ANKRD55: variants seen among roughly 807,000 people sequenced by gnomAD.
ANKRD55 encodes ankyrin repeat domain 55.
Under a neutral mutation model 60.6 loss-of-function variants are expected in ANKRD55, and 41 were observed. The observed-to-expected ratio is 0.68, with a 90% CI of 0.53 to 0.88. The LOEUF (loss-of-function observed/expected upper bound fraction) is 0.88. Among genes scored for constraint, ANKRD55 ranks in the 40% least tolerant of loss-of-function variants. The pLI is 0.00. For missense variants in ANKRD55, 732 were observed against 767.6 expected (o/e 0.95, Z 0.55); for synonymous variants, 264 against 290.3 (o/e 0.91, Z 0.92).
intron 7 of ANKRD55, among the ~76,000 whole-genome samples, chr5:56,135,032 T>G (rs972657147): frequency 6.6e-6 from 1 of 152,178 alleles, no homozygotes; most frequent in African/African-American, 2.4e-5. Flanking sequence ...AGAAAAAGTA[T>G]TTGAGAAAAT....
intron 7 of ANKRD55, among the ~76,000 whole-genome samples, chr5:56,133,347 G>A (rs1327321764): frequency 6.6e-6 from 1 of 151,142 alleles, no homozygotes; most frequent in African/African-American, 2.4e-5. Context: ...ACTGAGGTAG[G>A]AGAATGGCTT....
chr5:56,144,149 G>C (rs1757841050), intron 6 of ANKRD55, among the ~76,000 whole-genome samples: 1 of 152,190 alleles, frequency 6.6e-6, no homozygotes, highest in Non-Finnish European at 1.5e-5. Flanking sequence ...AAGTTAATAA[G>C]GTAAATGAGA....
intron 2 of ANKRD55, among the ~76,000 whole-genome samples, chr5:56,225,020 G>A (rs1760070289): frequency 1.3e-5 from 2 of 152,126 alleles, no homozygotes; most frequent in African/African-American, 4.8e-5. Context: ...GCCTGGCAGA[G>A]ACACAACAAA....
At chr5:56,153,552 G>A (rs955312993) in intron 6 of ANKRD55, among the ~76,000 whole-genome samples, 8 of 152,136 alleles carry the variant, frequency 5.3e-5, no homozygotes, top group African/African-American at 1.9e-4. Context: ...AAAGGAATGA[G>A]CCACAGGCTG....
At chr5:56,120,835 G>C (rs1202722702) in intron 8 of ANKRD55, among the ~76,000 whole-genome samples, 2 of 149,048 alleles carry the variant, frequency 1.3e-5, no homozygotes, top group Non-Finnish European at 3.0e-5. Context: ...GGAGGCAGAG[G>C]TTGCAGTGAG....
At chr5:56,105,561 T>C (rs961685735) in intron 10 of ANKRD55, among the ~76,000 whole-genome samples, 1 of 152,088 alleles carries the variant, frequency 6.6e-6, no homozygotes, top group Non-Finnish European at 1.5e-5. Flanking sequence ...CAAGATGTCA[T>C]AGAATGGAAA....
intron 2 of ANKRD55, among the ~76,000 whole-genome samples, chr5:56,226,194 T>C (rs992825776): frequency 6.6e-6 from 1 of 152,208 alleles, no homozygotes; most frequent in African/African-American, 2.4e-5. Flanking sequence ...TAAAACCATC[T>C]GATCTTTGAG....
chr5:56,121,063 T>C (rs1166950997), intron 8 of ANKRD55, among the ~76,000 whole-genome samples: 1 of 152,154 alleles, frequency 6.6e-6, no homozygotes, highest in African/African-American at 2.4e-5. Flanking sequence ...CAGGCCAAGA[T>C]GGCGCCCGTG....
At chr5:56,215,027 A>G (rs1343549180) in intron 2 of ANKRD55, among the ~76,000 whole-genome samples, 1 of 152,188 alleles carries the variant, frequency 6.6e-6, no homozygotes, top group Non-Finnish European at 1.5e-5. Context: ...GGAGTGGTCT[A>G]AGGGTAAAGT....
At chr5:56,208,267 C>T (rs1185858654) in intron 2 of ANKRD55, among the ~76,000 whole-genome samples, 1 of 151,348 alleles carries the variant, frequency 6.6e-6, no homozygotes, top group Non-Finnish European at 1.5e-5. Context: ...GAGGGACCTT[C>T]TTGTTCGCTT....
chr5:56,185,944 ACT>A (rs1758962556), intron 2 of ANKRD55, among the ~76,000 whole-genome samples: 1 of 152,146 alleles, frequency 6.6e-6, no homozygotes, highest in Non-Finnish European at 1.5e-5. Context: ...TCCCTAACTT[ACT>A]CACAGTAGTA....
In ANKRD55 at chr5:56,127,061, C is replaced by G; in HGVS notation, c.658G>C (p.Gly220Arg). Residue 220 changes from glycine to arginine, a missense_variant, in exon 8 of 12, where the codon GGG (glycine) becomes CGG (arginine). Physicochemically the swap from Gly to Arg is moderately radical, Grantham distance 125 (BLOSUM62 -2). Coordinates refer to ENST00000341048, the MANE Select transcript of ANKRD55 (RefSeq NM_024669.3). ...TCATCATAGTTGATTATGGACGGCC[C>G]CTGGTGATGGCTCAGAATGATGGAG... Reference protein sequence around the residue: ...LCSIILSHHQGPSIINYDDES... With the variant: ...LCSIILSHHQRPSIINYDDES... 1 of 1,613,552 alleles carries G rather than the reference C, an allele frequency of 6.2e-7. No homozygotes were observed. Among genetic ancestry groups the G allele is most frequent in the Non-Finnish European group, 8.5e-7 (1 of 1,179,752 alleles).
At chr5:56,186,630 A>C (rs1057452884) in intron 2 of ANKRD55, among the ~76,000 whole-genome samples, 1 of 152,200 alleles carries the variant, frequency 6.6e-6, no homozygotes, top group Non-Finnish European at 1.5e-5. Flanking sequence ...CTACTTAAAA[A>C]ATTTTTTTTT....
intron 6 of ANKRD55, among the ~76,000 whole-genome samples, chr5:56,155,506 T>C (rs1253668832): frequency 6.6e-6 from 1 of 152,176 alleles, no homozygotes; most frequent in Non-Finnish European, 1.5e-5. Flanking sequence ...ATTTGGGTGT[T>C]ATCTCTCTCC....
At chr5:56,209,782 T>C (rs2111871529) in intron 2 of ANKRD55, among the ~76,000 whole-genome samples, 1 of 152,330 alleles carries the variant, frequency 6.6e-6, no homozygotes, top group South Asian at 2.1e-4. Context: ...TATCCCTTTG[T>C]GCATTTGTGA....
chr5:56,108,724 G>A (rs1756573448), intron 10 of ANKRD55, among the ~76,000 whole-genome samples: 1 of 152,148 alleles, frequency 6.6e-6, no homozygotes, highest in Non-Finnish European at 1.5e-5. Context: ...AAAAATATAT[G>A]GCCCTTTTCT....
chr5:56,215,577 G>C (rs1173728628), intron 2 of ANKRD55, among the ~76,000 whole-genome samples: 1 of 152,218 alleles, frequency 6.6e-6, no homozygotes, highest in Non-Finnish European at 1.5e-5. Context: ...CGTGCTAGGT[G>C]TCAGAAAGGG....
chr5:56,153,079 AGATC>A (rs1488620563), intron 6 of ANKRD55, among the ~76,000 whole-genome samples: 1 of 152,204 alleles, frequency 6.6e-6, no homozygotes, highest in East Asian at 1.9e-4. Flanking sequence ...AAACTCCTAT[AGATC>A]AATAAGAAAA....
chr5:56,102,475 G>A lies in ANKRD55; in HGVS notation c.1723+19C>T, dbSNP rs6860472. On this transcript the variant is annotated intron_variant, in intron 11 of 11. Coordinates refer to ENST00000341048, the MANE Select transcript of ANKRD55 (RefSeq NM_024669.3). ...GTTAACACTTGCAAAGGAAGCTGCGGAAGATTCATAATACTTACATTTTTG... is the reference window on the plus strand; with the variant it reads ...GTTAACACTTGCAAAGGAAGCTGCGAAAGATTCATAATACTTACATTTTTG... The A allele has an allele frequency of 0.026, 39,169 of 1,533,888 alleles. 6,056 individuals are homozygous for A. In the African/African-American group the frequency reaches 0.39, roughly 15 times the overall value.
Sources: gnomAD v4.1 joint callset for allele counts (sites outside exome capture counted in the v4.1 genomes callset) on GRCh38, gnomAD v4.1.1 for gene constraint, MANE v1.5 for transcripts, NCBI Gene and HGNC (gene_info 2026-07-23, HGNC 2026-07-21) for gene names.